AFF4: variants seen among roughly 807,000 people sequenced by gnomAD.
The protein encoded by AFF4 is ALF transcription elongation factor 4, also known as AF4/FMR2 family member 4.
AFF4 carries 13 observed loss-of-function variants against 124.8 expected under a neutral mutation model. The ratio of observed to expected loss-of-function variants is 0.10; its 90% CI spans 0.07 to 0.17. The LOEUF is 0.17. AFF4 is among the 10% of genes least tolerant of loss of function. The probability of loss-of-function intolerance (pLI) is 1.00; values close to 1 mark genes in which losing one functional copy is unlikely to be tolerated. For missense variants in AFF4, 1,092 were observed against 1,403.8 expected, an observed-to-expected ratio of 0.78 and a Z score of 3.55; for synonymous variants, 477 against 496.1, an observed-to-expected ratio of 0.96 and a Z score of 0.51.
At chr5:132,930,302 CAA>C (rs886781124) in intron 4 of AFF4, among the ~76,000 whole-genome samples, 1 of 151,956 alleles carries the variant, frequency 6.6e-6, no homozygotes, top group African/African-American at 2.4e-5. Flanking sequence ...ACTTAAGAAA[CAA>C]GAGAAGGCAC....
rs370136697 is a variant in AFF4, at chr5:132,930,358, A to G, written c.963+1820T>C. Among the ~76,000 whole-genome samples the G allele has an allele frequency of 5.5e-4, 84 of 152,338 alleles. No individual in the cohort carries two copies. In the South Asian group the frequency reaches 0.017, roughly 32 times the overall value. ...AAAGAAAGAGAGGCAAGAAAGGTGG[A>G]AGGCAAATAAAAACAATGAAGCATA... On this transcript the variant is annotated intron_variant, in intron 4 of 20. Coordinates refer to ENST00000265343, the MANE Select transcript of AFF4 (RefSeq NM_014423.4).
At chr5:132,893,974 T>A (rs1290914553) in intron 11 of AFF4, among the ~76,000 whole-genome samples, 4 of 152,228 alleles carry the variant, frequency 2.6e-5, no homozygotes, top group African/African-American at 9.6e-5. Context: ...GTAACATTTT[T>A]AAGGTTCATC....
At position 132,894,903 on chromosome 5, in the gene AFF4, A is replaced by G. The variant is rs1197245414; in HGVS notation, c.2307+1420T>C. Among the ~76,000 whole-genome samples the G allele has an allele frequency of 2.6e-5, 4 of 152,170 alleles. No homozygotes were observed. The East Asian group carries it at 7.7e-4, about 29-fold the overall frequency. On this transcript the variant is annotated intron_variant, in intron 11 of 20. Coordinates refer to ENST00000265343, the MANE Select transcript of AFF4 (RefSeq NM_014423.4). The stretch of plus-strand genomic sequence containing the variant: ...CGGCAGTTTGAGGTTGCAGTGAGCT[A>G]TGAATGCCATGGCACTCCAGCCTAG...
rs1304003280 is a variant in AFF4, at chr5:132,880,323, A to G, written c.*736T>C. ...TTTTGTAATGCATTAAATGCAAGCT[A>G]TAGTCACTGTGTGATTGCTGTAGTG... On this transcript the variant is annotated 3_prime_UTR_variant, in exon 21 of 21. Transcript: ENST00000265343. The G allele has an allele frequency of 5.0e-6, 2 of 398,868 alleles. No homozygotes were observed. The highest frequency in any genetic ancestry group is 1.3e-4 in the South Asian group (1 of 7,866). 24.7% of individuals were successfully genotyped at this position (398,868 alleles called of 1,614,324 possible).
chr5:132,877,929 G>C lies in AFF4; in HGVS notation c.*3130C>G, dbSNP rs114249944. On this transcript the variant is annotated 3_prime_UTR_variant, in exon 21 of 21. Transcript: ENST00000265343. ...AGTGCCTATGAATCCGCCACTGCCA[G>C]AGCTCCCAGAAACACAGGTGTCTGT... The C allele has an allele frequency of 3.0e-3, 668 of 225,130 alleles. 8 individuals are homozygous for C. The highest frequency in any genetic ancestry group is 0.012 in the African/African-American group (550 of 44,980). The allele number at this position is 225,130 out of a possible 1,614,324, so 13.9% of individuals were successfully genotyped here.
chr5:132,925,182 T>C (rs1193877414), intron 5 of AFF4, among the ~76,000 whole-genome samples: 1 of 146,056 alleles, frequency 6.8e-6, no homozygotes, highest in Non-Finnish European at 1.5e-5. Context: ...CTCAGAAAAA[T>C]AAATAAATAA....
At chr5:132,963,158 G>A (rs1762119864) in intron 1 of AFF4, 101 bp downstream of exon 1, 4 of 369,772 alleles carry the variant, frequency 1.1e-5, no homozygotes, top group Non-Finnish European at 1.4e-5. Context: ...GGGTCTCCCC[G>A]AGGCTCCCCG....
intron 5 of AFF4, among the ~76,000 whole-genome samples, chr5:132,923,480 G>A (rs776373547): frequency 6.6e-6 from 1 of 152,176 alleles, no homozygotes; most frequent in Non-Finnish European, 1.5e-5. Flanking sequence ...GGTGGGCACA[G>A]TAGCTTGTGC....
In AFF4 at chr5:132,934,502, G is replaced by C; in HGVS notation, c.563C>G (p.Ser188Cys). 1 of 1,614,136 alleles carries C rather than the reference G, an allele frequency of 6.2e-7. No individual in the cohort carries two copies. Among genetic ancestry groups the C allele is most frequent in the Non-Finnish European group, 8.5e-7 (1 of 1,180,010 alleles). The change falls in exon 3 of 21, where the codon TCT becomes TGT. Residue 188 changes from serine to cysteine, a missense_variant. Ser to Cys is a moderately radical substitution (Grantham distance 112). Transcript: ENST00000265343. The stretch of plus-strand genomic sequence containing the variant: ...CCTGGAATGACTAGAGTTTAATGAA[G>C]AAACAGCCTGGGGTTTTCCAGGGCT... ...SSSPGKPQAV[S>C]SLNSSHSRSH... is the part of the protein sequence containing the mutation.
intron 18 of AFF4, among the ~76,000 whole-genome samples, chr5:132,885,928 C>T (rs1760107601): frequency 6.6e-6 from 1 of 152,080 alleles, no homozygotes; most frequent in African/African-American, 2.4e-5. Flanking sequence ...CGTGTGGCAC[C>T]ATGCCTGGCT....
Position 132,953,518 on chromosome 5 carries a change from G to A in AFF4, c.-5+9741C>T, listed in dbSNP as rs138194866. ...TACCACCTCAGCCTCCCAAAGTGCT[G>A]GGATTACAAGAACTTTGTAATGAGT... On this transcript the variant is annotated intron_variant, in intron 1 of 20. Coordinates refer to ENST00000265343, the MANE Select transcript of AFF4 (RefSeq NM_014423.4). 2.5e-3 allele frequency among the ~76,000 whole-genome samples: 376 copies of A among 152,106 alleles called. 4 individuals are homozygous for A. The highest frequency in any genetic ancestry group is 8.8e-3 in the African/African-American group (365 of 41,504).
At chr5:132,912,199 G>C (rs1388873373) in intron 5 of AFF4, among the ~76,000 whole-genome samples, 1 of 149,526 alleles carries the variant, frequency 6.7e-6, no homozygotes, top group African/African-American at 2.5e-5. Context: ...AAAACATTTA[G>C]CAGGGCGTGG....
Position 132,878,397 on chromosome 5 carries a change from C to T in AFF4, c.*2662G>A, listed in dbSNP as rs1163769573. On this transcript the variant is annotated 3_prime_UTR_variant, in exon 21 of 21. Coordinates refer to ENST00000265343, the MANE Select transcript of AFF4 (RefSeq NM_014423.4). ...TCTATAATTAACCATATACTAAGTACAAGTCTCAGACTAAGTTTTTAGCCA... is the reference window on the plus strand; with the variant it reads ...TCTATAATTAACCATATACTAAGTATAAGTCTCAGACTAAGTTTTTAGCCA... 1 of 230,820 alleles carries T rather than the reference C, an allele frequency of 4.3e-6. No individual in the cohort carries two copies. Among genetic ancestry groups the T allele is most frequent in the African/African-American group, 2.2e-5 (1 of 45,190 alleles). The allele number at this position is 230,820 out of a possible 1,614,324, so 14.3% of individuals were successfully genotyped here.
chr5:132,896,270 C>T, intron 11 of AFF4, 53 bp downstream of exon 11: 1 of 1,523,364 alleles, frequency 6.6e-7, no homozygotes, highest in South Asian at 1.3e-5. Flanking sequence ...GAGATTTCCA[C>T]CGCATTTCAG....
chr5:132,956,647 AAGAG>A (rs1229819998), intron 1 of AFF4, among the ~76,000 whole-genome samples: 3 of 151,390 alleles, frequency 2.0e-5, no homozygotes, highest in East Asian at 1.9e-4. Flanking sequence ...AAAAAAAAAA[AAGAG>A]AGAGCGAGAG....
Position 132,878,816 on chromosome 5 carries a change from G to A in AFF4, c.*2243C>T, listed in dbSNP as rs961871689. ...CAAAAATGCTCCTGCTGCCTTTCAG[G>A]ACATACAAGAGACTAGAACACAAGA... On this transcript the variant is annotated 3_prime_UTR_variant, in exon 21 of 21. Coordinates refer to ENST00000265343, the MANE Select transcript of AFF4 (RefSeq NM_014423.4). 4.5e-6 allele frequency: 1 copy of A among 223,696 alleles called. No homozygotes were observed. The highest frequency in any genetic ancestry group is 8.9e-6 in the Non-Finnish European group (1 of 112,034). The allele number at this position is 223,696 out of a possible 1,614,324, so 13.9% of individuals were successfully genotyped here.
chr5:132,949,430 A>G (rs1053925568), intron 1 of AFF4, among the ~76,000 whole-genome samples: 5 of 152,096 alleles, frequency 3.3e-5, no homozygotes, highest in African/African-American at 1.2e-4. Flanking sequence ...CAATCCCCGC[A>G]CTTTGGGAGG....
chr5:132,963,232 C>T, intron 1 of AFF4, 27 bp downstream of exon 1: 1 of 391,132 alleles, frequency 2.6e-6, no homozygotes. Context: ...CGGCCCGGCC[C>T]TGGGTCAGTC....
chr5:132,891,950 T>C, intron 13 of AFF4: 1 of 705,818 alleles, frequency 1.4e-6, no homozygotes, highest in Non-Finnish European at 2.3e-6. Flanking sequence ...CCCAAGGGTT[T>C]TTCTTTCAAT....
Sources: gnomAD v4.1 joint callset for allele counts (sites outside exome capture counted in the v4.1 genomes callset) on GRCh38, gnomAD v4.1.1 for gene constraint, MANE v1.5 for transcripts, NCBI Gene and HGNC (gene_info 2026-07-23, HGNC 2026-07-21) for gene names.